DIAPH2: variants seen among roughly 807,000 people sequenced by gnomAD.
The protein encoded by DIAPH2 is diaphanous related formin 2.
DIAPH2 carries 35 observed loss-of-function variants against 92.7 expected under a neutral mutation model. The ratio of observed to expected loss-of-function variants is 0.38; its 90% CI spans 0.29 to 0.50. The LOEUF is 0.50. DIAPH2 is among the 20% of genes least tolerant of loss of function. The probability of loss-of-function intolerance (pLI) is 0.94; values close to 1 mark genes in which losing one functional copy is unlikely to be tolerated. For synonymous variants in DIAPH2, 301 were observed against 280.4 expected (o/e 1.07, Z -0.73); for missense variants, 701 against 819.5 (o/e 0.86, Z 1.77).
intron 24 of DIAPH2, among the ~76,000 whole-genome samples, chrX:97,378,688 G>A (rs2069525042): frequency 8.9e-6 from 1 of 111,927 alleles, no homozygotes; most frequent in Non-Finnish European, 1.9e-5. Flanking sequence ...CGCAGTCTGG[G>A]TGACAGAGGG....
At chrX:96,812,028 G>T (rs904966119) in intron 4 of DIAPH2, among the ~76,000 whole-genome samples, 242 of 111,685 alleles carry the variant, frequency 2.2e-3, no homozygotes, top group Non-Finnish European at 3.7e-3. Flanking sequence ...GATGATGCTG[G>T]CGTCATAAAA....
At chrX:97,490,233 G>A (rs771144641) in intron 26 of DIAPH2, among the ~76,000 whole-genome samples, 52 of 106,268 alleles carry the variant, frequency 4.9e-4, no homozygotes, top group African/African-American at 1.7e-3. Context: ...TTCTGATCCT[G>A]TTTATTTCTG....
At position 96,940,045 on chromosome X, in the gene DIAPH2, C is replaced by G. The variant is rs538784587; in HGVS notation, c.1325+663C>G. Among the ~76,000 whole-genome samples the G allele has an allele frequency of 4.5e-5, 5 of 109,950 alleles. No individual in the cohort carries two copies. In the South Asian group the frequency reaches 2.0e-3, roughly 43 times the overall value. ...CACTTGTAAAAATGGGGTACTCCAG[C>G]GACAGGACTTTGGTAGCAATGAACC... On this transcript the variant is annotated intron_variant, in intron 12 of 26. Transcript: ENST00000324765.
At chrX:96,889,168 A>G (rs2065290211) in intron 5 of DIAPH2, among the ~76,000 whole-genome samples, 1 of 111,875 alleles carries the variant, frequency 8.9e-6, no homozygotes, top group Non-Finnish European at 1.9e-5. Context: ...TAGTTGAATA[A>G]CTTGGGAGTT....
intron 23 of DIAPH2, among the ~76,000 whole-genome samples, chrX:97,281,893 G>A (rs916131083): frequency 3.6e-5 from 4 of 111,674 alleles, no homozygotes; most frequent in Middle Eastern, 4.2e-3. Context: ...TAGATATTAC[G>A]TTAATAATAA....
chrX:97,141,933 A>G (rs1246378539), intron 22 of DIAPH2, 139 bp downstream of exon 22: 1 of 672,863 alleles, frequency 1.5e-6, no homozygotes, highest in Non-Finnish European at 2.1e-6. Flanking sequence ...AATAGTTTCC[A>G]TTAGCTTATA....
chrX:97,262,581 G>T (rs777563576), intron 23 of DIAPH2, among the ~76,000 whole-genome samples: 22 of 112,086 alleles, frequency 2.0e-4, no homozygotes, highest in Non-Finnish European at 3.0e-4. Context: ...CAGGGGTGAG[G>T]ATGACTGGAT....
intron 17 of DIAPH2, among the ~76,000 whole-genome samples, chrX:97,008,964 C>T (rs764749647): frequency 9.0e-6 from 1 of 111,264 alleles, no homozygotes; most frequent in Admixed American, 9.6e-5. Context: ...TAGGGTTCTA[C>T]GGTTAGCATG....
intron 4 of DIAPH2, among the ~76,000 whole-genome samples, chrX:96,860,749 C>T (rs761745808): frequency 6.3e-5 from 7 of 111,725 alleles, no homozygotes; most frequent in Non-Finnish European, 7.5e-5. Flanking sequence ...CAGGTAGACA[C>T]TAGAATGACT....
At chrX:96,869,991 G>C (rs1053153604) in intron 4 of DIAPH2, among the ~76,000 whole-genome samples, 2 of 110,302 alleles carry the variant, frequency 1.8e-5, no homozygotes, top group African/African-American at 6.6e-5. Context: ...TTCCCTTTTT[G>C]TTATAATCCT....
At chrX:97,155,501 AAAAAAG>A (rs1346777883) in intron 22 of DIAPH2, among the ~76,000 whole-genome samples, 1 of 60,240 alleles carries the variant, frequency 1.7e-5, no homozygotes, top group Non-Finnish European at 3.5e-5. Context: ...ACTCTGTCTC[AAAAAAG>A]AAAAAAAAAA....
chrX:97,259,121 G>T (rs2147567341), intron 23 of DIAPH2, among the ~76,000 whole-genome samples: 1 of 109,429 alleles, frequency 9.1e-6, no homozygotes, highest in East Asian at 2.9e-4. Context: ...AGGCATGGTG[G>T]CACGTGCCAC....
intron 2 of DIAPH2, among the ~76,000 whole-genome samples, chrX:96,737,513 G>A (rs2064094992): frequency 9.0e-6 from 1 of 111,269 alleles, no homozygotes; most frequent in African/African-American, 3.3e-5. Context: ...TGTTTAATGT[G>A]AGCTTGATGG....
intron 22 of DIAPH2, among the ~76,000 whole-genome samples, chrX:97,142,332 G>A (rs962926451): frequency 6.3e-5 from 7 of 111,628 alleles, no homozygotes; most frequent in African/African-American, 1.6e-4. Context: ...GGTCAAAGGT[G>A]AAATATGAGG....
chrX:97,409,918 T>C lies in DIAPH2; in HGVS notation c.3146-19732T>C, dbSNP rs1444128768. 2.7e-5 allele frequency among the ~76,000 whole-genome samples: 3 copies of C among 112,532 alleles called. No homozygotes were observed. In the East Asian group the frequency reaches 8.5e-4, roughly 32 times the overall value. ...CCTCAGCTCTGCAAGGCATGCTGCC[T>C]CTGTAGACCCCAACTCTGGGGGCAG... On this transcript the variant is annotated intron_variant, in intron 25 of 26. Coordinates refer to ENST00000324765, the MANE Select transcript of DIAPH2 (RefSeq NM_006729.5).
chrX:96,758,743 C>T (rs946947311), intron 4 of DIAPH2, among the ~76,000 whole-genome samples: 46 of 111,511 alleles, frequency 4.1e-4, no homozygotes, highest in African/African-American at 1.5e-3. Context: ...AACTAAGCTG[C>T]CTCATAATTG....
At chrX:97,319,819 G>T (rs2147651388) in intron 23 of DIAPH2, among the ~76,000 whole-genome samples, 1 of 109,787 alleles carries the variant, frequency 9.1e-6, no homozygotes, top group South Asian at 4.0e-4. Context: ...ATAAATATTG[G>T]CCGGTTGCAG....
chrX:96,954,302 T>A (rs933490626), intron 15 of DIAPH2: 2 of 112,634 alleles, frequency 1.8e-5, no homozygotes, highest in African/African-American at 3.2e-5. Context: ...AGAATGTTTA[T>A]AATGAACAGC....
At chrX:97,028,426 A>T (rs2066349693) in intron 17 of DIAPH2, among the ~76,000 whole-genome samples, 1 of 111,539 alleles carries the variant, frequency 9.0e-6, no homozygotes, top group Admixed American at 9.5e-5. Context: ...GTTTTTCAAG[A>T]AACCTGTACC....
Sources: gnomAD v4.1 joint callset for allele counts (sites outside exome capture counted in the v4.1 genomes callset) on GRCh38, gnomAD v4.1.1 for gene constraint, MANE v1.5 for transcripts, NCBI Gene and HGNC (gene_info 2026-07-23, HGNC 2026-07-21) for gene names.